The following CLSTN2 variants were observed in gnomAD, a reference collection of about 807,000 sequenced individuals.
The protein encoded by CLSTN2 is calsyntenin-2.
In CLSTN2, 48 loss-of-function variants were observed where a neutral mutation model predicts 101.2. The observed-to-expected ratio is 0.47, with a 90% CI of 0.38 to 0.60. CLSTN2 has a LOEUF of 0.60. Ranked by LOEUF, CLSTN2 falls within the 20% of genes least tolerant of loss-of-function variation. CLSTN2 has a pLI of 0.00. For synonymous variants in CLSTN2, 481 were observed against 463.6 expected, an observed-to-expected ratio of 1.04 and a Z score of -0.48; for missense variants, 1,160 against 1,238.2, an observed-to-expected ratio of 0.94 and a Z score of 0.95.
intron 1 of CLSTN2, among the ~76,000 whole-genome samples, chr3:140,143,529 A>G (rs562965700): frequency 6.6e-6 from 1 of 152,326 alleles, no homozygotes; most frequent in Admixed American, 6.5e-5. Flanking sequence ...AATTTCCTCC[A>G]GAAACACCCT....
intron 8 of CLSTN2, among the ~76,000 whole-genome samples, chr3:140,471,050 G>C (rs945277457): frequency 2.0e-5 from 3 of 152,190 alleles, no homozygotes; most frequent in Non-Finnish European, 4.4e-5. Context: ...GCAGCTCCAG[G>C]AGATGCCTGT....
intron 2 of CLSTN2, among the ~76,000 whole-genome samples, chr3:140,218,523 T>C (rs2010949357): frequency 6.6e-6 from 1 of 152,154 alleles, no homozygotes; most frequent in South Asian, 2.1e-4. Flanking sequence ...TTTATTGGAA[T>C]GTTGTGACCC....
intron 9 of CLSTN2, among the ~76,000 whole-genome samples, chr3:140,541,506 T>C (rs1034428446): frequency 2.0e-5 from 3 of 152,252 alleles, no homozygotes; most frequent in African/African-American, 7.2e-5. Flanking sequence ...TCACCAGTTC[T>C]GATTCTCGGT....
intron 8 of CLSTN2, among the ~76,000 whole-genome samples, chr3:140,516,155 C>T (rs1184865497): frequency 1.3e-5 from 2 of 152,114 alleles, no homozygotes; most frequent in Admixed American, 6.5e-5. Context: ...AATAGCTACT[C>T]CTGCTCTGTT....
chr3:140,096,212 T>G (rs2008866614), intron 1 of CLSTN2, among the ~76,000 whole-genome samples: 1 of 152,118 alleles, frequency 6.6e-6, no homozygotes, highest in South Asian at 2.1e-4. Context: ...TTTCATGCTG[T>G]CCCCAGCTCC....
intron 1 of CLSTN2, among the ~76,000 whole-genome samples, chr3:140,104,233 T>C (rs2009015997): frequency 6.6e-6 from 1 of 152,176 alleles, no homozygotes; most frequent in African/African-American, 2.4e-5. Flanking sequence ...AGACAGTTCC[T>C]CCCACCTGCC....
intron 2 of CLSTN2, among the ~76,000 whole-genome samples, chr3:140,179,133 A>G (rs2010368884): frequency 6.6e-6 from 1 of 152,206 alleles, no homozygotes; most frequent in Non-Finnish European, 1.5e-5. Context: ...CAAAGATTTA[A>G]CATAGCTTTT....
chr3:140,438,452 A>AAAAAAAC (rs2088710450), intron 5 of CLSTN2, among the ~76,000 whole-genome samples: 1 of 150,314 alleles, frequency 6.7e-6, no homozygotes, highest in African/African-American at 2.5e-5. Context: ...AAAAAAAAAA[A>AAAAAAAC]AGCTTTGAAG....
chr3:140,562,458 G>C (rs767555386), intron 13 of CLSTN2, 150 bp downstream of exon 13: 8 of 807,206 alleles, frequency 9.9e-6, no homozygotes, highest in South Asian at 1.9e-5. Context: ...TGGATTTCTA[G>C]ACCCTCCTTT....
intron 11 of CLSTN2, among the ~76,000 whole-genome samples, chr3:140,557,431 C>T (rs1400098851): frequency 6.6e-6 from 1 of 152,230 alleles, no homozygotes; most frequent in Non-Finnish European, 1.5e-5. Context: ...AGGGGTGCTC[C>T]ACCCTTACAG....
At chr3:140,335,464 A>C (rs1197878550) in intron 2 of CLSTN2, among the ~76,000 whole-genome samples, 2 of 151,718 alleles carry the variant, frequency 1.3e-5, no homozygotes, top group African/African-American at 2.4e-5. Flanking sequence ...GCCAAAAAAA[A>C]AAAAGCCCCA....
At chr3:140,518,713 C>G (rs1934968894) in intron 8 of CLSTN2, among the ~76,000 whole-genome samples, 1 of 152,188 alleles carries the variant, frequency 6.6e-6, no homozygotes, top group African/African-American at 2.4e-5. Flanking sequence ...TCTGTGGATT[C>G]TCTCGGCTTT....
chr3:139,970,555 C>T (rs1304148883), intron 1 of CLSTN2, among the ~76,000 whole-genome samples: 1 of 152,172 alleles, frequency 6.6e-6, no homozygotes, highest in Non-Finnish European at 1.5e-5. Flanking sequence ...ATTGCGTGCT[C>T]CTCTGTGCCA....
chr3:140,285,048 G>A (rs1216913588), intron 2 of CLSTN2, among the ~76,000 whole-genome samples: 1 of 152,010 alleles, frequency 6.6e-6, no homozygotes, highest in East Asian at 1.9e-4. Context: ...ATACAAAAGG[G>A]CATCCTGGAG....
chr3:139,966,000 A>G (rs562765168), intron 1 of CLSTN2, among the ~76,000 whole-genome samples: 2 of 152,298 alleles, frequency 1.3e-5, no homozygotes, highest in South Asian at 2.1e-4. Flanking sequence ...ACGCTAGCCA[A>G]TGGAACACAG....
chr3:140,251,750 G>A (rs1559819547), intron 2 of CLSTN2, among the ~76,000 whole-genome samples: 1 of 152,050 alleles, frequency 6.6e-6, no homozygotes, highest in Admixed American at 6.6e-5. Context: ...GTAAGGACAG[G>A]TTTCTGCCTT....
At chr3:139,938,513 C>T (rs1333863219) in intron 1 of CLSTN2, among the ~76,000 whole-genome samples, 1 of 152,210 alleles carries the variant, frequency 6.6e-6, no homozygotes, top group Non-Finnish European at 1.5e-5. Context: ...ATTATAACTC[C>T]TTCCCTTCAC....
At chr3:140,099,971 G>A (rs1468666606) in intron 1 of CLSTN2, among the ~76,000 whole-genome samples, 1 of 152,140 alleles carries the variant, frequency 6.6e-6, no homozygotes, top group Non-Finnish European at 1.5e-5. Context: ...AGGTGTTGCA[G>A]GGCAATGGCT....
chr3:140,520,494 C>A (rs1375561951), intron 8 of CLSTN2, among the ~76,000 whole-genome samples: 1 of 152,184 alleles, frequency 6.6e-6, no homozygotes, highest in Admixed American at 6.5e-5. Flanking sequence ...TCTCATGAGA[C>A]TCACTCACTA....
Sources: gnomAD v4.1 joint callset for allele counts (sites outside exome capture counted in the v4.1 genomes callset) on GRCh38, gnomAD v4.1.1 for gene constraint, MANE v1.5 for transcripts, NCBI Gene and HGNC (gene_info 2026-07-23, HGNC 2026-07-21) for gene names.